DNER: variants seen among roughly 807,000 people sequenced by gnomAD.
DNER encodes the protein delta and Notch-like epidermal growth factor-related receptor.
A neutral mutation model predicts 78.2 loss-of-function variants in DNER; 33 were observed. The ratio of observed to expected loss-of-function variants is 0.42; its 90% CI spans 0.32 to 0.56. DNER has a LOEUF of 0.56. Ranked by LOEUF, DNER falls within the 20% of genes least tolerant of loss-of-function variation. DNER has a pLI of 0.11. For synonymous variants in DNER, 417 were observed against 384.8 expected (o/e 1.08, Z -0.98); for missense variants, 918 against 975.3 (o/e 0.94, Z 0.78).
In DNER at chr2:229,657,925, T is replaced by TA. The variant is rs113375672; in HGVS notation, c.276+56222dup. 2.9e-3 allele frequency among the ~76,000 whole-genome samples: 430 copies of TA among 149,922 alleles called. 1 individual carries two copies. Among genetic ancestry groups the TA allele is most frequent in the South Asian group, 0.026 (125 of 4,748 alleles). ...CAAGGGAATTTCATGATCATTAATT[T>TA]AAAAAAAAAACTGGTTCTTCCTTAT... On this transcript the variant is annotated intron_variant, in intron 1 of 12. Coordinates refer to ENST00000341772, the MANE Select transcript of DNER (RefSeq NM_139072.4).
At chr2:229,532,481 AAAAGGCAAGCCACACAG>A (rs375095272) in intron 5 of DNER, among the ~76,000 whole-genome samples, 2,381 of 152,284 alleles carry the variant, frequency 0.016, 65 homozygotes, top group African/African-American at 0.054. Context: ...AAACTTATCA[AAAAGGCAAGCCACACAG>A]ATTGCCAAAG....
chr2:229,687,220 T>C (rs774917319), intron 1 of DNER, among the ~76,000 whole-genome samples: 7 of 151,976 alleles, frequency 4.6e-5, no homozygotes, highest in Admixed American at 1.3e-4. Context: ...CTATTACAAA[T>C]AATGTTTTGA....
At chr2:229,403,772 A>C (rs183278457) in intron 10 of DNER, among the ~76,000 whole-genome samples, 413 of 151,832 alleles carry the variant, frequency 2.7e-3, no homozygotes, top group Middle Eastern at 0.014. Context: ...GGATGAGCAG[A>C]GGGGGGCTGA....
At chr2:229,681,848 ACACAC>A (rs1242604856) in intron 1 of DNER, among the ~76,000 whole-genome samples, 1 of 151,408 alleles carries the variant, frequency 6.6e-6, no homozygotes, top group African/African-American at 2.4e-5. Context: ...ACACACACAC[ACACAC>A]ACACACACAC....
At chr2:229,551,989 TAG>T (rs1371702378) in intron 4 of DNER, among the ~76,000 whole-genome samples, 1 of 151,890 alleles carries the variant, frequency 6.6e-6, no homozygotes, top group East Asian at 1.9e-4. Context: ...CAAATATATG[TAG>T]TGTGTGTGCA....
At chr2:229,416,579 T>A (rs1559345831) in intron 9 of DNER, among the ~76,000 whole-genome samples, 1 of 152,108 alleles carries the variant, frequency 6.6e-6, no homozygotes, top group Admixed American at 6.5e-5. Flanking sequence ...CCCGTAGCCA[T>A]GAGATCAGTA....
chr2:229,709,417 C>A (rs1423324479), intron 1 of DNER, among the ~76,000 whole-genome samples: 2 of 152,160 alleles, frequency 1.3e-5, no homozygotes, highest in Non-Finnish European at 2.9e-5. Flanking sequence ...GAAGCAATGT[C>A]TCTTTACATC....
intron 4 of DNER, among the ~76,000 whole-genome samples, chr2:229,582,502 A>T (rs1367243748): frequency 1.3e-5 from 2 of 152,154 alleles, no homozygotes; most frequent in African/African-American, 4.8e-5. Flanking sequence ...CTAACTAGAA[A>T]ATTTAGAAAG....
intron 1 of DNER, among the ~76,000 whole-genome samples, chr2:229,657,194 G>A (rs1441538690): frequency 9.2e-6 from 1 of 108,566 alleles, no homozygotes; most frequent in East Asian, 2.5e-4. Flanking sequence ...CTGCTTCTGT[G>A]AGTTTGATTT....
chr2:229,526,355 T>C (rs1696208169), intron 5 of DNER, among the ~76,000 whole-genome samples: 1 of 152,238 alleles, frequency 6.6e-6, no homozygotes, highest in African/African-American at 2.4e-5. Context: ...ATTATGATGC[T>C]TGTAGTTTCT....
intron 6 of DNER, among the ~76,000 whole-genome samples, chr2:229,500,990 A>G (rs1695609686): frequency 6.6e-6 from 1 of 152,206 alleles, no homozygotes; most frequent in Non-Finnish European, 1.5e-5. Context: ...CTACAACAAC[A>G]TGAATCAACC....
At chr2:229,485,662 A>C (rs1457233510) in intron 6 of DNER, among the ~76,000 whole-genome samples, 1 of 152,166 alleles carries the variant, frequency 6.6e-6, no homozygotes, top group African/African-American at 2.4e-5. Flanking sequence ...GGTCAATGGT[A>C]AATTACATGA....
intron 1 of DNER, among the ~76,000 whole-genome samples, chr2:229,614,414 T>C (rs1698114120): frequency 6.6e-6 from 1 of 152,110 alleles, no homozygotes; most frequent in African/African-American, 2.4e-5. Context: ...GGAATGTTCG[T>C]TTCTCAAGTC....
chr2:229,596,406 G>C (rs1361633007), intron 1 of DNER, among the ~76,000 whole-genome samples: 1 of 152,252 alleles, frequency 6.6e-6, no homozygotes, highest in African/African-American at 2.4e-5. Context: ...GTCGACCTGA[G>C]AGGTAAGACA....
intron 4 of DNER, among the ~76,000 whole-genome samples, chr2:229,552,748 G>A (rs1346928055): frequency 6.6e-6 from 1 of 152,122 alleles, no homozygotes; most frequent in Non-Finnish European, 1.5e-5. Flanking sequence ...CTTTGTAGCG[G>A]TGTGAAAACT....
chr2:229,513,529 C>A (rs1695914542), intron 5 of DNER, among the ~76,000 whole-genome samples: 1 of 152,126 alleles, frequency 6.6e-6, no homozygotes, highest in South Asian at 2.1e-4. Context: ...TAGTAAAAGA[C>A]CATAACTCAG....
At chr2:229,645,460 A>C (rs1035325616) in intron 1 of DNER, among the ~76,000 whole-genome samples, 2 of 152,182 alleles carry the variant, frequency 1.3e-5, no homozygotes, top group Non-Finnish European at 2.9e-5. Flanking sequence ...GGACAACTGA[A>C]GTTCTTATGA....
chr2:229,376,929 C>A (rs1336074048), intron 11 of DNER, among the ~76,000 whole-genome samples: 2 of 152,138 alleles, frequency 1.3e-5, no homozygotes, highest in African/African-American at 4.8e-5. Flanking sequence ...ATAATATAAT[C>A]ATTTGATACA....
chr2:229,506,532 T>A (rs893210249), intron 6 of DNER, among the ~76,000 whole-genome samples: 8 of 148,066 alleles, frequency 5.4e-5, no homozygotes, highest in Non-Finnish European at 9.0e-5. Flanking sequence ...TTTTTTTTTT[T>A]ATTATACTTT....
Sources: gnomAD v4.1 joint callset for allele counts (sites outside exome capture counted in the v4.1 genomes callset) on GRCh38, gnomAD v4.1.1 for gene constraint, MANE v1.5 for transcripts, NCBI Gene and HGNC (gene_info 2026-07-23, HGNC 2026-07-21) for gene names.